HDLBP: variants seen among roughly 807,000 people sequenced by gnomAD.
HDLBP encodes the protein high density lipoprotein binding protein, also known as vigilin.
A neutral mutation model predicts 137.3 loss-of-function variants in HDLBP; 30 were observed. The observed-to-expected ratio is 0.22, with a 90% CI of 0.16 to 0.30. The LOEUF (loss-of-function observed/expected upper bound fraction) is 0.30, where lower values mean the gene tolerates loss of function less well. Ranked by LOEUF, HDLBP falls within the 10% of genes least tolerant of loss-of-function variation. The pLI, the probability that HDLBP is intolerant of heterozygous loss-of-function variation, is 1.00. For synonymous variants in HDLBP, 606 were observed against 596.0 expected, an observed-to-expected ratio of 1.02 and a Z score of -0.24; for missense variants, 1,119 against 1,667.3, an observed-to-expected ratio of 0.67 and a Z score of 5.73.
chr2:241,249,876 C>T lies in HDLBP; in HGVS notation c.1477G>A (p.Ala493Thr). Residue 493 changes from alanine to threonine, a missense_variant, in exon 12 of 28, where the codon GCC becomes ACC. By Grantham distance (58) the Ala-to-Thr change is moderately conservative. Around this residue, in one of 4 missense-constraint regions of HDLBP, gnomAD observed 425 missense variants for 693.9 expected, o/e 0.61. Coordinates refer to ENST00000310931, the MANE Select transcript of HDLBP (RefSeq NM_005336.6). ...GCAAGCTCCAGCAGCTCTCGCTTGG[C>T]CTGCTGCACGCCCTGTGGGTCCCCC... Reference protein sequence around the residue: ...IEGDPQGVQQAKRELLELASR... With the variant: ...IEGDPQGVQQTKRELLELASR... 1 of 1,613,122 alleles carries T rather than the reference C, an allele frequency of 6.2e-7. No individual in the cohort carries two copies. Among genetic ancestry groups the T allele is most frequent in the Non-Finnish European group, 8.5e-7 (1 of 1,179,608 alleles).
chr2:241,245,273 T>A (rs2071583566), intron 16 of HDLBP, among the ~76,000 whole-genome samples: 1 of 151,422 alleles, frequency 6.6e-6, no homozygotes, highest in African/African-American at 2.4e-5. Flanking sequence ...AACCTCCACC[T>A]CCCAGGCTCA....
Position 241,248,107 on chromosome 2 carries a change from T to C in HDLBP, c.1627A>G (p.Asn543Asp). ...IRDKFPEVIINFPDPAQKSDI... is the reference protein window; with the variant it reads ...IRDKFPEVIIDFPDPAQKSDI... The stretch of plus-strand genomic sequence containing the variant: ...CTTTTTTGTGCTGGGTCTGGAAAGT[T>C]AATGATGACCTAGAACAAATCATGG... Residue 543 changes from asparagine to aspartate, a missense_variant, in exon 14 of 28, where the codon AAC (asparagine) becomes GAC (aspartate). Physicochemically the swap from Asn to Asp is conservative, Grantham distance 23 (BLOSUM62 1). Around this residue, in one of 4 missense-constraint regions of HDLBP, gnomAD observed 425 missense variants for 693.9 expected, o/e 0.61. Coordinates refer to ENST00000310931, the MANE Select transcript of HDLBP (RefSeq NM_005336.6). 1 of 1,613,418 alleles carries C rather than the reference T, an allele frequency of 6.2e-7. No individual in the cohort carries two copies. The highest frequency in any genetic ancestry group is 1.1e-5 in the South Asian group (1 of 91,068).
intron 1 of HDLBP, among the ~76,000 whole-genome samples, chr2:241,311,883 G>GA (rs1252719812): frequency 6.6e-6 from 1 of 152,220 alleles, no homozygotes; most frequent in Non-Finnish European, 1.5e-5. Flanking sequence ...GGCAGAGGGT[G>GA]AAAGAAAGCT....
intron 1 of HDLBP, among the ~76,000 whole-genome samples, chr2:241,284,125 G>A (rs2074716592): frequency 2.0e-5 from 3 of 152,156 alleles, no homozygotes; most frequent in Non-Finnish European, 4.4e-5. Flanking sequence ...GATGAATGTT[G>A]TTTTCATGCC....
At chr2:241,289,787 G>GT (rs2149648329) in intron 1 of HDLBP, among the ~76,000 whole-genome samples, 1 of 152,204 alleles carries the variant, frequency 6.6e-6, no homozygotes, top group African/African-American at 2.4e-5. Flanking sequence ...GGCACCAAAG[G>GT]TAAGGAGTGC....
At chr2:241,303,864 A>G (rs537046546) in intron 1 of HDLBP, among the ~76,000 whole-genome samples, 11 of 152,304 alleles carry the variant, frequency 7.2e-5, no homozygotes, top group African/African-American at 2.6e-4. Context: ...AATGGAGTGC[A>G]GTGGTGTGAC....
intron 1 of HDLBP, among the ~76,000 whole-genome samples, chr2:241,306,225 A>T (rs1441533003): frequency 1.4e-5 from 2 of 145,616 alleles, no homozygotes; most frequent in Admixed American, 6.9e-5. Context: ...GCATCTGTTT[A>T]AAAAAAAAAA....
At chr2:241,304,150 A>G (rs1376097681) in intron 1 of HDLBP, among the ~76,000 whole-genome samples, 2 of 152,228 alleles carry the variant, frequency 1.3e-5, no homozygotes, top group African/African-American at 4.8e-5. Context: ...TTACCTTTTT[A>G]GCAATCAACA....
intron 1 of HDLBP, among the ~76,000 whole-genome samples, chr2:241,278,173 A>G (rs980959018): frequency 1.3e-5 from 2 of 152,218 alleles, no homozygotes; most frequent in Non-Finnish European, 2.9e-5. Flanking sequence ...AGAAAAACAA[A>G]TATTATCACG....
intron 1 of HDLBP, among the ~76,000 whole-genome samples, chr2:241,298,248 C>T (rs1030690667): frequency 2.6e-5 from 4 of 151,882 alleles, no homozygotes; most frequent in Non-Finnish European, 5.9e-5. Context: ...TGCCTGTAAT[C>T]TCAGCTACTC....
At chr2:241,258,984 T>C (rs536095459) in intron 5 of HDLBP, among the ~76,000 whole-genome samples, 1 of 152,116 alleles carries the variant, frequency 6.6e-6, no homozygotes, top group South Asian at 2.1e-4. Context: ...TATCCCAAGA[T>C]ACACTGGGTA....
intron 1 of HDLBP, among the ~76,000 whole-genome samples, chr2:241,285,111 C>T (rs570276167): frequency 6.4e-4 from 97 of 152,342 alleles, no homozygotes; most frequent in Non-Finnish European, 1.2e-3. Context: ...GAACTCCTGA[C>T]CTCAGGTGAT....
At chr2:241,237,152 G>A (rs1220483792) in intron 20 of HDLBP, among the ~76,000 whole-genome samples, 2 of 152,198 alleles carry the variant, frequency 1.3e-5, no homozygotes, top group Non-Finnish European at 2.9e-5. Context: ...CACAAGTGAG[G>A]CTTGACTGTG....
intron 21 of HDLBP, 43 bp from the exon 22 acceptor site, chr2:241,235,637 CAG>C: frequency 7.1e-7 from 1 of 1,404,588 alleles, no homozygotes; most frequent in Non-Finnish European, 1.0e-6. Flanking sequence ...GAGCTGAGAG[CAG>C]AGTGACGTTG....
At position 241,229,459 on chromosome 2, in the gene HDLBP, C is replaced by A; in HGVS notation, c.*142G>T. The A allele has an allele frequency of 1.5e-6, 1 of 649,292 alleles. No homozygotes were observed. Among genetic ancestry groups the A allele is most frequent in the South Asian group, 1.9e-5 (1 of 52,632 alleles). 40.2% of individuals were successfully genotyped at this position (649,292 alleles called of 1,614,324 possible). A position where few individuals can be genotyped will look rare whatever the true frequency, so the allele number is the denominator to read the frequency against. On this transcript the variant is annotated 3_prime_UTR_variant, in exon 28 of 28. Coordinates refer to ENST00000310931, the MANE Select transcript of HDLBP (RefSeq NM_005336.6). ...GAGCGGCCGCACACACAGCCAGGCG[C>A]TAGGCTCCCTGCGGGACCTCGGGAA...
Position 241,233,716 on chromosome 2 carries a change from TG to T in HDLBP, c.3288+103del, listed in dbSNP as rs1445568868. The T allele has an allele frequency of 6.3e-6, 8 of 1,277,760 alleles. No homozygotes were observed. The highest frequency in any genetic ancestry group is 1.5e-5 in the African/African-American group (1 of 67,350). The allele number at this position is 1,277,760 out of a possible 1,614,324, so 79.2% of individuals were successfully genotyped here. A position where few individuals can be genotyped will look rare whatever the true frequency, so the allele number is the denominator to read the frequency against. The stretch of plus-strand genomic sequence containing the variant: ...CCTGAGAGACTTGCCACTCTCAACT[TG>T]GCCCTCGAACCCCCATCTAGGCACA... On this transcript the variant is annotated intron_variant, in intron 24 of 27. Coordinates refer to ENST00000310931, the MANE Select transcript of HDLBP (RefSeq NM_005336.6). This position sits in a 1 kb window ranked among gnomAD's most constrained non-coding sequence, Gnocchi z 4.3.
rs142397795 is a variant in HDLBP at position 241,299,980 on chromosome 2, A to C, written c.-103+15590T>G. ...ACGAGTTCAACTACAAAATGAATGC[A>C]CATTGCACCCAAACTTTATGTAGCA... On this transcript the variant is annotated intron_variant, in intron 1 of 27. Coordinates refer to ENST00000310931, the MANE Select transcript of HDLBP (RefSeq NM_005336.6). Among the ~76,000 whole-genome samples, 18 of 152,352 alleles carry C rather than the reference A, an allele frequency of 1.2e-4. No homozygotes were observed. In the East Asian group the frequency reaches 3.1e-3, roughly 26 times the overall value.
intron 5 of HDLBP, among the ~76,000 whole-genome samples, chr2:241,261,574 C>CA (rs2073188900): frequency 6.6e-6 from 1 of 152,194 alleles, no homozygotes; most frequent in East Asian, 1.9e-4. Context: ...GTGGCCCTTT[C>CA]CCCTACAGTG....
At chr2:241,294,316 T>C (rs1440416950) in intron 1 of HDLBP, among the ~76,000 whole-genome samples, 1 of 152,154 alleles carries the variant, frequency 6.6e-6, no homozygotes, top group East Asian at 1.9e-4. Flanking sequence ...AGCCATTCTA[T>C]CTAAAACACA....
Sources: gnomAD v4.1 joint callset for allele counts (sites outside exome capture counted in the v4.1 genomes callset) on GRCh38, gnomAD v4.1.1 for gene constraint, gnomAD v4.1.1 regional missense constraint, Gnocchi (gnomAD v3.1) non-coding constraint, MANE v1.5 for transcripts, NCBI Gene and HGNC (gene_info 2026-07-23, HGNC 2026-07-21) for gene names.